Variants in NBAS observed in about 807,000 individuals in gnomAD.
NBAS encodes the protein NAG/BC035112 fusion.
NBAS carries 219 observed loss-of-function variants against 302.5 expected under a neutral mutation model. That is an observed-to-expected ratio of 0.72 (90% CI 0.65 to 0.81). The LOEUF (loss-of-function observed/expected upper bound fraction) is 0.81, where lower values mean the gene tolerates loss of function less well. NBAS is among the 30% of genes least tolerant of loss of function. The pLI, the probability that NBAS is intolerant of heterozygous loss-of-function variation, is 0.00. For synonymous variants in NBAS, 1,118 were observed against 1,021.6 expected, an observed-to-expected ratio of 1.09 and a Z score of -1.80; for missense variants, 2,932 against 2,841.6, an observed-to-expected ratio of 1.03 and a Z score of -0.72.
the NBAS span, among the ~76,000 whole-genome samples, chr2:15,107,951 G>A: frequency 6.6e-6 from 1 of 152,010 alleles, no homozygotes; most frequent in Admixed American, 6.6e-5. Flanking sequence ...CTGGTCTTTT[G>A]TGTCTGGCTT....
chr2:15,182,848 C>G (rs1664892598), intron 50 of NBAS, among the ~76,000 whole-genome samples: 1 of 151,996 alleles, frequency 6.6e-6, no homozygotes, highest in Non-Finnish European at 1.5e-5. Context: ...TAAGCAAGTC[C>G]CAGGAGCAAC....
chr2:15,102,755 GTTCTC>G, the NBAS span, among the ~76,000 whole-genome samples: 1 of 152,002 alleles, frequency 6.6e-6, no homozygotes, highest in Non-Finnish European at 1.5e-5. Flanking sequence ...CCTAAGGTTA[GTTCTC>G]CCTACACTGT....
intron 48 of NBAS, among the ~76,000 whole-genome samples, chr2:15,214,889 CT>C (rs1209610800): frequency 1.3e-5 from 2 of 152,144 alleles, no homozygotes; most frequent in African/African-American, 4.8e-5. Flanking sequence ...TAAACTAATT[CT>C]TTTGGTGATC....
Position 15,353,682 on chromosome 2 carries a change from G to C in NBAS, c.3960C>G (p.Ser1320Arg), listed in dbSNP as rs993899886. ...GGTAACCTTCTGATTGTCCTAACTG[G>C]CTACAAACATCCCAACTTTTAGGAT... ...TGYPKSWDVC[S>R]QLGQSEGYQD... Residue 1320 changes from serine (S) to arginine (R), a missense_variant, in exon 34 of 52, where the codon AGC becomes AGG. By Grantham distance (110) the Ser-to-Arg change is moderately radical (BLOSUM62 -1). Transcript: ENST00000281513. 1 of 1,614,002 alleles carries C rather than the reference G, an allele frequency of 6.2e-7. No homozygotes were observed. The highest frequency in any genetic ancestry group is 8.5e-7 in the Non-Finnish European group (1 of 1,179,958).
the NBAS span, among the ~76,000 whole-genome samples, chr2:14,945,366 A>G: frequency 6.6e-6 from 1 of 152,186 alleles, no homozygotes; most frequent in Admixed American, 6.5e-5. Flanking sequence ...CTAATACTTC[A>G]GTGCACAGAC....
the NBAS span, among the ~76,000 whole-genome samples, chr2:15,156,676 T>C: frequency 6.6e-6 from 1 of 152,294 alleles, no homozygotes; most frequent in South Asian, 2.1e-4. Context: ...ACCATCATCT[T>C]TGGAGTTAGA....
At position 15,417,577 on chromosome 2, in the gene NBAS, C is replaced by T. The variant is rs2148463823; in HGVS notation, c.2713G>A (p.Glu905Lys). ...ARCDVTLTLK[E>K]LQQMKDIEKL... ...TCAATGTCTTTCATCTGCTGGAGTT[C>T]TTTCAGGGTTAGAGTTACATCACAC... The change falls in exon 24 of 52, where the codon GAA becomes AAA. Residue 905 changes from glutamate (E) to lysine (K), a missense_variant. Transcript: ENST00000281513. 1.2e-6 allele frequency: 2 copies of T among 1,613,952 alleles called. No individual in the cohort carries two copies. Among genetic ancestry groups the T allele is most frequent in the Non-Finnish European group, 1.7e-6 (2 of 1,179,930 alleles).
chr2:15,408,020 C>A (rs548676681), intron 25 of NBAS, among the ~76,000 whole-genome samples: 1 of 152,322 alleles, frequency 6.6e-6, no homozygotes, highest in Middle Eastern at 3.4e-3. Context: ...ATCCTGACCA[C>A]AGCCAGAAAG....
chr2:15,553,414 A>G lies in NBAS; in HGVS notation c.335+12T>C, dbSNP rs201007689. On this transcript the variant is annotated intron_variant, in intron 5 of 51. Coordinates refer to ENST00000281513, the MANE Select transcript of NBAS (RefSeq NM_015909.4). Reference sequence around the variant, plus strand: ...AAAGGAAATCTTGAATATGAATAATATTAACAATTACCTGATTTCCACACA... The same window carrying G: ...AAAGGAAATCTTGAATATGAATAATGTTAACAATTACCTGATTTCCACACA... 1.3e-6 allele frequency: 2 copies of G among 1,596,690 alleles called. No homozygotes were observed. The highest frequency in any genetic ancestry group is 1.7e-6 in the Non-Finnish European group (2 of 1,164,368).
chr2:15,047,271 T>C, the NBAS span, among the ~76,000 whole-genome samples: 1 of 152,262 alleles, frequency 6.6e-6, no homozygotes, highest in African/African-American at 2.4e-5. Flanking sequence ...TCAGGTTCTA[T>C]GCCTCAGCCT....
chr2:15,256,506 G>A (rs1572538306), intron 44 of NBAS, among the ~76,000 whole-genome samples: 1 of 151,978 alleles, frequency 6.6e-6, no homozygotes, highest in East Asian at 2.0e-4. Flanking sequence ...GTGGCTGTTT[G>A]ACTTCTTCTT....
At chr2:15,153,007 G>A in the NBAS span, among the ~76,000 whole-genome samples, 1 of 152,316 alleles carries the variant, frequency 6.6e-6, no homozygotes, top group Non-Finnish European at 1.5e-5. Context: ...GATACAATTG[G>A]TGAAAGAACA....
intron 21 of NBAS, among the ~76,000 whole-genome samples, chr2:15,451,973 T>C (rs1679036994): frequency 1.3e-5 from 2 of 151,392 alleles, no homozygotes; most frequent in African/African-American, 2.4e-5. Flanking sequence ...ACCAGAAGTA[T>C]ATCATACCTT....
intron 10 of NBAS, among the ~76,000 whole-genome samples, chr2:15,508,159 C>T (rs759890915): frequency 7.9e-5 from 12 of 152,220 alleles, no homozygotes; most frequent in Non-Finnish European, 1.6e-4. Flanking sequence ...TGCAGCATTT[C>T]AAGAAGTTAA....
chr2:14,866,617 G>T, the NBAS span, among the ~76,000 whole-genome samples: 1 of 151,972 alleles, frequency 6.6e-6, no homozygotes, highest in African/African-American at 2.4e-5. Flanking sequence ...CCATGTTTCT[G>T]GATGTCTAGT....
chr2:15,535,555 T>TAAATAAAC (rs1553334472), intron 8 of NBAS, among the ~76,000 whole-genome samples: 87 of 91,552 alleles, frequency 9.5e-4, no homozygotes, highest in African/African-American at 2.6e-3. Flanking sequence ...AATAAATAAA[T>TAAATAAAC]AAATAAATAA....
the NBAS span, among the ~76,000 whole-genome samples, chr2:15,031,227 A>G: frequency 2.0e-5 from 3 of 152,346 alleles, no homozygotes; most frequent in South Asian, 6.2e-4. Flanking sequence ...ATCAGCAACC[A>G]ACAATCTCAT....
At chr2:15,361,168 C>T (rs1558270265) in intron 32 of NBAS, among the ~76,000 whole-genome samples, 1 of 152,092 alleles carries the variant, frequency 6.6e-6, no homozygotes, top group African/African-American at 2.4e-5. Flanking sequence ...TCGTTGTTGA[C>T]CAAAATTTCA....
At chr2:15,544,610 TAAAG>T (rs911216412) in intron 6 of NBAS, among the ~76,000 whole-genome samples, 1 of 151,910 alleles carries the variant, frequency 6.6e-6, no homozygotes, top group African/African-American at 2.4e-5. Flanking sequence ...CAAACAATAA[TAAAG>T]AGAAAATTTT....
Sources: allele counts gnomAD v4.1 joint callset (sites outside exome capture counted in the v4.1 genomes callset), GRCh38; gene constraint gnomAD v4.1.1; transcripts MANE v1.5; gene names NCBI Gene and HGNC (gene_info 2026-07-23, HGNC 2026-07-21).